Variants in FAM110B observed in about 807,000 individuals in gnomAD.
The protein encoded by FAM110B is family with sequence similarity 110 member B.
In FAM110B, 6 loss-of-function variants were observed where a neutral mutation model predicts 20.4. The ratio of observed to expected loss-of-function variants is 0.29; its 90% CI spans 0.16 to 0.58. The LOEUF (loss-of-function observed/expected upper bound fraction) is 0.58. Among genes scored for constraint, FAM110B ranks in the 20% least tolerant of loss-of-function variants. The probability of loss-of-function intolerance (pLI) is 0.90; values close to 1 mark genes in which losing one functional copy is unlikely to be tolerated. For missense variants in FAM110B, 434 were observed against 498.2 expected (o/e 0.87, Z 1.23); for synonymous variants, 226 against 214.1 (o/e 1.06, Z -0.49).
intron 2 of FAM110B, among the ~76,000 whole-genome samples, chr8:58,071,180 T>A (rs568681702): frequency 6.6e-6 from 1 of 152,294 alleles, no homozygotes; most frequent in East Asian, 1.9e-4. Flanking sequence ...AATGGTACAT[T>A]CTAAAAGAAA....
intron 2 of FAM110B, among the ~76,000 whole-genome samples, chr8:58,038,351 A>G (rs1032073387): frequency 6.6e-6 from 1 of 152,238 alleles, no homozygotes; most frequent in African/African-American, 2.4e-5. Flanking sequence ...GAGATGTTGC[A>G]TATTTAATTT....
chr8:58,112,134 G>A (rs1396962360), intron 3 of FAM110B, among the ~76,000 whole-genome samples: 2 of 152,054 alleles, frequency 1.3e-5, no homozygotes, highest in African/African-American at 2.4e-5. Context: ...GACTAGCCTG[G>A]CCAACATATA....
At chr8:58,132,449 T>C (rs1184836093) in intron 3 of FAM110B, among the ~76,000 whole-genome samples, 1 of 152,050 alleles carries the variant, frequency 6.6e-6, no homozygotes, top group Non-Finnish European at 1.5e-5. Context: ...TCTTCAGTCC[T>C]TGTGGCCACA....
At chr8:58,073,567 T>C (rs111242042) in intron 2 of FAM110B, among the ~76,000 whole-genome samples, 1 of 152,326 alleles carries the variant, frequency 6.6e-6, no homozygotes, top group East Asian at 1.9e-4. Flanking sequence ...GGAAATATGT[T>C]AATAGATTTA....
chr8:58,076,106 C>T (rs1806030903), intron 3 of FAM110B, among the ~76,000 whole-genome samples: 1 of 152,170 alleles, frequency 6.6e-6, no homozygotes, highest in Admixed American at 6.5e-5. Context: ...TATGAATGTG[C>T]ACCACCATGC....
intron 2 of FAM110B, among the ~76,000 whole-genome samples, chr8:58,047,915 A>G (rs1805363005): frequency 6.6e-6 from 1 of 152,116 alleles, no homozygotes; most frequent in Non-Finnish European, 1.5e-5. Flanking sequence ...TCAAAGTAGG[A>G]TTTAATTTAA....
At chr8:58,126,498 T>C (rs189678371) in intron 3 of FAM110B, among the ~76,000 whole-genome samples, 1 of 152,316 alleles carries the variant, frequency 6.6e-6, no homozygotes, top group East Asian at 1.9e-4. Context: ...GTCTCTACAC[T>C]ATTACATTCC....
chr8:58,107,816 C>T (rs532692901), intron 3 of FAM110B, among the ~76,000 whole-genome samples: 10 of 152,304 alleles, frequency 6.6e-5, no homozygotes, highest in African/African-American at 2.4e-4. Context: ...TCTGAGGGGC[C>T]TCATTCTGAC....
chr8:58,100,530 C>G (rs923752786), intron 3 of FAM110B, among the ~76,000 whole-genome samples: 12 of 152,210 alleles, frequency 7.9e-5, no homozygotes, highest in Admixed American at 5.2e-4. Context: ...TCTGGGGGCT[C>G]TGAGGGAGAA....
chr8:58,112,858 A>G (rs1688450273), intron 3 of FAM110B, among the ~76,000 whole-genome samples: 1 of 152,242 alleles, frequency 6.6e-6, no homozygotes, highest in Non-Finnish European at 1.5e-5. Flanking sequence ...CTAAGGACTT[A>G]AGGGCTGCTG....
At chr8:58,058,845 T>A (rs1200555657) in intron 2 of FAM110B, among the ~76,000 whole-genome samples, 1 of 152,214 alleles carries the variant, frequency 6.6e-6, no homozygotes, top group East Asian at 1.9e-4. Flanking sequence ...TTTGTCAATC[T>A]TAAGTGTACA....
intron 1 of FAM110B, among the ~76,000 whole-genome samples, chr8:58,006,913 A>ATT (rs1563494723): frequency 1.1e-5 from 1 of 94,570 alleles, no homozygotes; most frequent in African/African-American, 4.0e-5. Context: ...ATATATATAT[A>ATT]TATATATATA....
chr8:58,129,288 T>G, intron 3 of FAM110B, among the ~76,000 whole-genome samples: 1 of 152,170 alleles, frequency 6.6e-6, no homozygotes, highest in East Asian at 1.9e-4. Context: ...GGGTACTGTG[T>G]CCCAACTGGA....
chr8:58,058,572 A>G (rs950633245), intron 2 of FAM110B, among the ~76,000 whole-genome samples: 5 of 152,190 alleles, frequency 3.3e-5, no homozygotes, highest in African/African-American at 1.2e-4. Context: ...TCAGGTCCTT[A>G]TAAAATAATC....
chr8:58,012,869 G>T (rs750250031), intron 1 of FAM110B, among the ~76,000 whole-genome samples: 1 of 152,164 alleles, frequency 6.6e-6, no homozygotes, highest in African/African-American at 2.4e-5. Flanking sequence ...TTGGGGTCCC[G>T]GTATCCTCCC....
At chr8:58,013,488 C>T (rs916769806) in intron 1 of FAM110B, among the ~76,000 whole-genome samples, 3 of 152,138 alleles carry the variant, frequency 2.0e-5, no homozygotes, top group Non-Finnish European at 4.4e-5. Context: ...GAATTATGTG[C>T]GTTCACCACA....
At chr8:58,001,424 G>A (rs900000896) in intron 1 of FAM110B, among the ~76,000 whole-genome samples, 14 of 152,084 alleles carry the variant, frequency 9.2e-5, no homozygotes, top group African/African-American at 3.1e-4. Flanking sequence ...TATACACATA[G>A]CATTTCCTGT....
intron 1 of FAM110B, among the ~76,000 whole-genome samples, chr8:58,005,553 G>A (rs1804386440): frequency 6.6e-6 from 1 of 152,218 alleles, no homozygotes; most frequent in Non-Finnish European, 1.5e-5. Flanking sequence ...ATGTTAAAGT[G>A]AAGTGCAGTA....
chr8:58,097,537 T>A (rs1335459557), intron 3 of FAM110B, among the ~76,000 whole-genome samples: 1 of 152,232 alleles, frequency 6.6e-6, no homozygotes, highest in African/African-American at 2.4e-5. Context: ...TTCTGAAGAC[T>A]ACTTCTGTCA....
Sources: gnomAD v4.1 joint callset for allele counts (sites outside exome capture counted in the v4.1 genomes callset) on GRCh38, gnomAD v4.1.1 for gene constraint, MANE v1.5 for transcripts, NCBI Gene and HGNC (gene_info 2026-07-23, HGNC 2026-07-21) for gene names.